The following MEIOB variants were observed in gnomAD, a reference collection of about 807,000 sequenced individuals.
MEIOB encodes meiosis specific with OB-fold, also known as meiosis-specific with OB domain-containing protein.
Under a neutral mutation model 53.1 loss-of-function variants are expected in MEIOB, and 50 were observed. The ratio of observed to expected loss-of-function variants is 0.94; its 90% CI spans 0.75 to 1.19. The LOEUF (loss-of-function observed/expected upper bound fraction) is 1.19. Ranked by LOEUF, MEIOB falls within the 50% of genes most tolerant of loss-of-function variation. The pLI, the probability that MEIOB is intolerant of heterozygous loss-of-function variation, is 0.00. For missense variants in MEIOB, 551 were observed against 550.8 expected, an observed-to-expected ratio of 1.00 and a Z score of 0.00; for synonymous variants, 192 against 182.5, an observed-to-expected ratio of 1.05 and a Z score of -0.42.
chr16:1,853,212 A>G lies in MEIOB; in HGVS notation c.682+7T>C. 2 of 1,554,556 alleles carry G rather than the reference A, an allele frequency of 1.3e-6. No homozygotes were observed. The highest frequency in any genetic ancestry group is 1.7e-6 in the Non-Finnish European group (2 of 1,146,408). ...AAATATTGGACACAATCATTGAATG[A>G]TAATACCTGTTTCTCGTGGCATCCA... is the stretch of plus-strand genomic sequence containing the variant. On this transcript the variant is annotated splice_region_variant and intron_variant, in intron 8 of 13. Coordinates refer to ENST00000325962, the MANE Select transcript of MEIOB (RefSeq NM_001163560.3).
At position 1,841,428 on chromosome 16, in the gene MEIOB, C is replaced by T. The variant is rs148810768; in HGVS notation, c.1034+392G>A. On this transcript the variant is annotated intron_variant, in intron 11 of 13. Transcript: ENST00000325962. ...CTCCTGGGCTCAACCGATCCTCCCA[C>T]CTCAGCCTCCTGAGTAGCTGAGACT... Among the ~76,000 whole-genome samples, 772 of 152,300 alleles carry T rather than the reference C, an allele frequency of 5.1e-3. 9 individuals carry two copies. The highest frequency in any genetic ancestry group is 0.018 in the African/African-American group (760 of 41,556).
chr16:1,848,502 G>A (rs1899077164), intron 9 of MEIOB, among the ~76,000 whole-genome samples: 1 of 150,972 alleles, frequency 6.6e-6, no homozygotes, highest in African/African-American at 2.4e-5. Flanking sequence ...TAGCAATAAG[G>A]AGAATCCTAT....
At chr16:1,856,465 G>A (rs1437758269) in intron 6 of MEIOB, among the ~76,000 whole-genome samples, 7 of 151,970 alleles carry the variant, frequency 4.6e-5, no homozygotes, top group Admixed American at 1.3e-4. Context: ...GACTACAGGC[G>A]CCCACCACCT....
At chr16:1,857,495 CG>C (rs1899335995) in intron 6 of MEIOB, among the ~76,000 whole-genome samples, 1 of 152,214 alleles carries the variant, frequency 6.6e-6, no homozygotes, top group Non-Finnish European at 1.5e-5. Context: ...AGATCATTTA[CG>C]AGCAGAGTGG....
chr16:1,850,598 AT>A (rs1337364583), intron 9 of MEIOB, among the ~76,000 whole-genome samples: 1 of 150,398 alleles, frequency 6.6e-6, no homozygotes, highest in Non-Finnish European at 1.5e-5. Flanking sequence ...ATAATAAACT[AT>A]TTTTATTAAT....
intron 13 of MEIOB, 89 bp from the exon 14 acceptor site, chr16:1,834,455 G>T: frequency 1.5e-6 from 1 of 671,682 alleles, no homozygotes. Context: ...CACGAATAGA[G>T]AACTGCAATG....
intron 5 of MEIOB, among the ~76,000 whole-genome samples, chr16:1,859,974 C>A (rs555936768): frequency 9.2e-5 from 14 of 152,326 alleles, no homozygotes; most frequent in South Asian, 2.1e-4. Context: ...GGTCTATCCT[C>A]GCAGGGTTCC....
chr16:1,857,808 G>C lies in MEIOB; in HGVS notation c.455C>G (p.Ser152Ter), dbSNP rs1249658538. ...LPVKESHDYYSLGDIVANGHS... is the reference protein window; with the variant it reads ...LPVKESHDYY ...TCCATTTGCAACAATGTCACCCAGT[G>C]AATAATAATCATGAGACTCTTTAAC... is the stretch of plus-strand genomic sequence containing the variant. Residue 152 changes from serine (S) to a stop codon, truncating the protein, a stop_gained, in exon 6 of 14, where the codon TCA (serine) becomes TGA (stop). Coordinates refer to ENST00000325962, the MANE Select transcript of MEIOB (RefSeq NM_001163560.3). LOFTEE classifies it high-confidence loss of function. 6.4e-7 allele frequency: 1 copy of C among 1,551,676 alleles called. No individual in the cohort carries two copies. Among genetic ancestry groups the C allele is most frequent in the Non-Finnish European group, 8.7e-7 (1 of 1,146,822 alleles).
chr16:1,857,198 A>T (rs1478943129), intron 6 of MEIOB, among the ~76,000 whole-genome samples: 1 of 152,214 alleles, frequency 6.6e-6, no homozygotes, highest in Non-Finnish European at 1.5e-5. Context: ...ATGCACCAGA[A>T]GGGAACACCC....
intron 9 of MEIOB, among the ~76,000 whole-genome samples, chr16:1,851,565 A>G (rs576600317): frequency 5.2e-4 from 79 of 152,288 alleles, no homozygotes; most frequent in Admixed American, 2.6e-3. Flanking sequence ...TGCTCAGTAA[A>G]TTAGTTCAGT....
At chr16:1,836,946 G>C (rs938854790) in intron 13 of MEIOB, among the ~76,000 whole-genome samples, 1 of 152,136 alleles carries the variant, frequency 6.6e-6, no homozygotes, top group Admixed American at 6.5e-5. Flanking sequence ...GAGAATACAA[G>C]AGAAAAGAGT....
Position 1,853,136 on chromosome 16 carries a change from T to A in MEIOB, c.683-2A>T. ...TTCTTACATCTGAGGCAAATATTAC[T>A]GTTTGGGAAAAAAGCCATTTAAAAT... On this transcript the variant is annotated splice_acceptor_variant, in intron 8 of 13. Transcript: ENST00000325962. LOFTEE classifies it high-confidence loss of function. 4 of 1,608,094 alleles carry A rather than the reference T, an allele frequency of 2.5e-6. No individual in the cohort carries two copies. The highest frequency in any genetic ancestry group is 3.4e-6 in the Non-Finnish European group (4 of 1,175,690).
At chr16:1,860,897 A>C (rs766898113) in intron 4 of MEIOB, among the ~76,000 whole-genome samples, 1 of 152,120 alleles carries the variant, frequency 6.6e-6, no homozygotes, top group Non-Finnish European at 1.5e-5. Context: ...CACAGTATTA[A>C]AGAGGAGTGT....
chr16:1,834,123 A>G lies in MEIOB; in HGVS notation c.*133T>C, dbSNP rs534532797. On this transcript the variant is annotated 3_prime_UTR_variant, in exon 14 of 14. Transcript: ENST00000325962. ...CAGACTCACCCAGACCACCTCCACCATAACAATTTCTAGAAACATGTTCAC... is the reference window on the plus strand; with the variant it reads ...CAGACTCACCCAGACCACCTCCACCGTAACAATTTCTAGAAACATGTTCAC... The G allele has an allele frequency of 5.6e-5, 34 of 605,290 alleles. No homozygotes were observed. The highest frequency in any genetic ancestry group is 1.0e-4 in the Non-Finnish European group (34 of 341,586). 37.5% of individuals were successfully genotyped at this position (605,290 alleles called of 1,614,324 possible).
chr16:1,866,242 T>C (rs1270604628), intron 2 of MEIOB, among the ~76,000 whole-genome samples: 1 of 152,194 alleles, frequency 6.6e-6, no homozygotes. Context: ...TAAAATCACT[T>C]AGCTTCTTAA....
chr16:1,843,821 T>C (rs1898969396), intron 10 of MEIOB, among the ~76,000 whole-genome samples: 2 of 152,094 alleles, frequency 1.3e-5, no homozygotes, highest in East Asian at 3.8e-4. Context: ...AATAACCTAT[T>C]ATTCATTTTT....
At position 1,837,001 on chromosome 16, in the gene MEIOB, C is replaced by T. The variant is rs374907033; in HGVS notation, c.1305+783G>A. Among the ~76,000 whole-genome samples the T allele has an allele frequency of 3.2e-4, 48 of 152,228 alleles. No homozygotes were observed. The Middle Eastern group carries it at 0.017, about 54-fold the overall frequency. ...CAACTAGGCTGGCTGGGTCCAGTCT[C>T]ACCTGTGACCCAGTGCAAGTGGCAA... On this transcript the variant is annotated intron_variant, in intron 13 of 13. Transcript: ENST00000325962.
Position 1,853,054 on chromosome 16 carries a change from T to C in MEIOB, c.763A>G (p.Ile255Val). The C allele has an allele frequency of 6.2e-7, 1 of 1,610,850 alleles. No individual in the cohort carries two copies. Among genetic ancestry groups the C allele is most frequent in the Non-Finnish European group, 8.5e-7 (1 of 1,177,400 alleles). The change falls in exon 9 of 14, where the codon ATT (isoleucine) becomes GTT (valine). Residue 255 changes from isoleucine to valine, a missense_variant. Transcript: ENST00000325962. ...MTATVISKTI[I>V]TTNPDIPEAN... is the part of the protein sequence containing the mutation. ...AGTTTTTTACCTGGATTAGTTGTAA[T>C]AATGGTTTTTGAGATTACAGTTGCT...
In MEIOB at chr16:1,839,233, TTTC is replaced by T. The variant is rs1898832812; in HGVS notation, c.1218+19_1218+21del. On this transcript the variant is annotated intron_variant, in intron 12 of 13. Transcript: ENST00000325962. Reference sequence around the variant, plus strand: ...ATTCACTTTGGAAATATTCTAAACATTTCTTCCTTTTTGCTATTTACCGTGCAG... The same window carrying T: ...ATTCACTTTGGAAATATTCTAAACATTTCCTTTTTGCTATTTACCGTGCAG... The T allele has an allele frequency of 6.4e-7, 1 of 1,555,116 alleles. No homozygotes were observed. Among genetic ancestry groups the T allele is most frequent in the Non-Finnish European group, 8.7e-7 (1 of 1,151,568 alleles).
Sources: gnomAD v4.1 joint callset for allele counts (sites outside exome capture counted in the v4.1 genomes callset) on GRCh38, gnomAD v4.1.1 for gene constraint, MANE v1.5 for transcripts, NCBI Gene and HGNC (gene_info 2026-07-23, HGNC 2026-07-21) for gene names.